Variants in ERCC6L2 observed in about 807,000 individuals in gnomAD.
ERCC6L2 encodes the protein DNA excision repair protein ERCC-6-like 2.
ERCC6L2 carries 77 observed loss-of-function variants against 132.0 expected under a neutral mutation model. That is an observed-to-expected ratio of 0.58 (90% CI 0.49 to 0.71). The LOEUF is 0.71. Ranked by LOEUF, ERCC6L2 falls within the 30% of genes least tolerant of loss-of-function variation. The pLI is 0.00. For missense variants in ERCC6L2, 1,542 were observed against 1,837.6 expected (o/e 0.84, Z 2.94); for synonymous variants, 583 against 632.4 (o/e 0.92, Z 1.17).
At chr9:95,917,988 T>G (rs951753208) in intron 6 of ERCC6L2, 1 of 158,898 alleles carries the variant, frequency 6.3e-6, no homozygotes, top group African/African-American at 2.4e-5. Flanking sequence ...TATATGTACT[T>G]TTATATTTAA....
Position 96,016,762 on chromosome 9 carries a change from G to T in ERCC6L2, c.*3559G>T, listed in dbSNP as rs1408038455. ...TCAAAATAGCCCTCTTTTTTGAAAT[G>T]ATGGTAGATCATACCTTTTGGTCTT... On this transcript the variant is annotated 3_prime_UTR_variant, in exon 19 of 19. Transcript: ENST00000653738. 2.6e-5 allele frequency among the ~76,000 whole-genome samples: 4 copies of T among 152,168 alleles called. No individual in the cohort carries two copies. The highest frequency in any genetic ancestry group is 5.9e-5 in the Non-Finnish European group (4 of 68,028).
chr9:95,878,577 C>T (rs1006478457), intron 1 of ERCC6L2, among the ~76,000 whole-genome samples: 12 of 151,318 alleles, frequency 7.9e-5, no homozygotes, highest in African/African-American at 2.9e-4. Context: ...CATATGTATA[C>T]ATGTGCCATG....
intron 3 of ERCC6L2, among the ~76,000 whole-genome samples, chr9:95,905,522 T>C (rs1411888817): frequency 6.6e-6 from 1 of 152,140 alleles, no homozygotes; most frequent in Non-Finnish European, 1.5e-5. Context: ...TGTCATCTCG[T>C]AATATACAAA....
intron 18 of ERCC6L2, among the ~76,000 whole-genome samples, chr9:96,009,847 C>G (rs1833972609): frequency 6.6e-6 from 1 of 152,228 alleles, no homozygotes. Context: ...AGAAGCAGCT[C>G]TCCTCCCAGA....
intron 19 of ERCC6L2, among the ~76,000 whole-genome samples, chr9:96,037,653 G>A (rs1834535047): frequency 6.6e-6 from 1 of 152,122 alleles, no homozygotes. Context: ...AGTGGGAGCA[G>A]GGCCAGGGAA....
intron 12 of ERCC6L2, among the ~76,000 whole-genome samples, chr9:95,948,871 A>C (rs1468568224): frequency 1.3e-5 from 2 of 152,102 alleles, no homozygotes; most frequent in Non-Finnish European, 2.9e-5. Context: ...ATCTCTAGAA[A>C]CTAACTGTCC....
chr9:95,880,871 A>G lies in ERCC6L2; in HGVS notation c.49A>G (p.Ile17Val), dbSNP rs1827550632. 6 of 1,604,002 alleles carry G rather than the reference A, an allele frequency of 3.7e-6. No homozygotes were observed. Among genetic ancestry groups the G allele is most frequent in the African/African-American group, 1.3e-5 (1 of 74,192 alleles). Residue 17 changes from isoleucine to valine, a missense_variant and splice_region_variant, in exon 2 of 19, where the codon ATA (isoleucine) becomes GTA (valine). This residue lies in a region of ERCC6L2 where 153 missense variants were observed against 132.3 expected (regional missense o/e 1.16). Transcript: ENST00000653738. Reference protein sequence around the residue: ...QPRAETSGKDIWHPGERCLAP... With the variant: ...QPRAETSGKDVWHPGERCLAP... ...CTTTATTTTCTTTATTCTTGCAGACATATGGCATCCAGGAGAAAGATGTCT... is the reference window on the plus strand; with the variant it reads ...CTTTATTTTCTTTATTCTTGCAGACGTATGGCATCCAGGAGAAAGATGTCT...
At chr9:96,037,908 C>T (rs1834537786) in intron 19 of ERCC6L2, among the ~76,000 whole-genome samples, 1 of 151,596 alleles carries the variant, frequency 6.6e-6, no homozygotes, top group Non-Finnish European at 1.5e-5. Flanking sequence ...CCACAAAGAA[C>T]AGGTGATCTA....
rs1251162862 is a variant in ERCC6L2, at chr9:96,012,396, C to T, written c.3846C>T (p.Asn1282=). The stretch of plus-strand genomic sequence containing the variant: ...TTGTGGATTCTGTGTCACAATTCAA[C>T]AATTCTTCCTTTGAGAAAGGAGAGC... ...EFFVDSVSQF[N]NSSFEKGEQR... is the part of the protein sequence containing the mutation. Residue 1282 remains asparagine (N), a synonymous_variant, in exon 19 of 19, where the codon AAC becomes AAT. Coordinates refer to ENST00000653738, the MANE Select transcript of ERCC6L2 (RefSeq NM_020207.7). 7.3e-7 allele frequency: 1 copy of T among 1,361,030 alleles called. No homozygotes were observed. Among genetic ancestry groups the T allele is most frequent in the Non-Finnish European group, 9.8e-7 (1 of 1,016,716 alleles). The allele number at this position is 1,361,030 out of a possible 1,614,324, so 84.3% of individuals were successfully genotyped here. A position where few individuals can be genotyped will look rare whatever the true frequency, so the allele number is the denominator to read the frequency against.
intron 17 of ERCC6L2, among the ~76,000 whole-genome samples, chr9:95,983,358 T>C (rs963713169): frequency 1.1e-4 from 17 of 152,318 alleles, no homozygotes; most frequent in African/African-American, 3.8e-4. Flanking sequence ...CCAACTCTTC[T>C]CCCAGCTGGT....
intron 6 of ERCC6L2, among the ~76,000 whole-genome samples, 182 bp from the exon 7 acceptor site, chr9:95,920,993 T>A (rs532479344): frequency 5.3e-4 from 81 of 152,296 alleles, no homozygotes; most frequent in African/African-American, 1.9e-3. Flanking sequence ...GCCAGGATGG[T>A]CTTTATCTCT....
chr9:96,036,041 A>C (rs576559647), intron 19 of ERCC6L2, among the ~76,000 whole-genome samples: 8 of 152,338 alleles, frequency 5.3e-5, no homozygotes, highest in Admixed American at 1.3e-4. Context: ...TTCTTCAAAA[A>C]TTTTTGTTTT....
chr9:96,011,414 G>A (rs188858490), intron 18 of ERCC6L2, among the ~76,000 whole-genome samples: 1 of 151,972 alleles, frequency 6.6e-6, no homozygotes, highest in Non-Finnish European at 1.5e-5. Flanking sequence ...ATACTGTTAC[G>A]TCCTGGGTTA....
At position 95,972,640 on chromosome 9, in the gene ERCC6L2, G is replaced by C. The variant is rs202116951; in HGVS notation, c.2889G>C (p.Glu963Asp). ...TAATTTCAAAAAAGTTAAGTCCTGA[G>C]AACACAACCCTGAAATCTATTTTGA... is the stretch of plus-strand genomic sequence containing the variant. ...NGIISKKLSP[E>D]NTTLKSILKR... The change falls in exon 16 of 19, where the codon GAG becomes GAC. Residue 963 changes from glutamate to aspartate, a missense_variant. Coordinates refer to ENST00000653738, the MANE Select transcript of ERCC6L2 (RefSeq NM_020207.7). The C allele has an allele frequency of 3.1e-6, 4 of 1,293,648 alleles. No individual in the cohort carries two copies. Among genetic ancestry groups the C allele is most frequent in the Non-Finnish European group, 4.0e-6 (4 of 988,776 alleles). The allele number at this position is 1,293,648 out of a possible 1,614,324, so 80.1% of individuals were successfully genotyped here.
intron 11 of ERCC6L2, among the ~76,000 whole-genome samples, chr9:95,936,298 G>A (rs1236034144): frequency 6.6e-6 from 1 of 152,144 alleles, no homozygotes; most frequent in Non-Finnish European, 1.5e-5. Flanking sequence ...TGGGTCCAGG[G>A]AAGTATTAGA....
intron 13 of ERCC6L2, among the ~76,000 whole-genome samples, chr9:95,959,765 AT>A (rs1831813676): frequency 6.6e-6 from 1 of 152,078 alleles, no homozygotes; most frequent in African/African-American, 2.4e-5. Context: ...TAAAAAAAAA[AT>A]AAACCTGTAA....
chr9:95,948,395 GTAA>G (rs1831162988), intron 12 of ERCC6L2, among the ~76,000 whole-genome samples: 2 of 152,350 alleles, frequency 1.3e-5, no homozygotes, highest in Admixed American at 1.3e-4. Flanking sequence ...GCTCATGCCT[GTAA>G]TCCCAACATT....
rs530263935 is a variant in ERCC6L2, at chr9:96,016,784, T to C, written c.*3581T>C. Among the ~76,000 whole-genome samples the C allele has an allele frequency of 3.3e-5, 5 of 152,368 alleles. No individual in the cohort carries two copies. The highest frequency in any genetic ancestry group is 1.2e-4 in the African/African-American group (5 of 41,588). On this transcript the variant is annotated 3_prime_UTR_variant, in exon 19 of 19. Transcript: ENST00000653738. ...AATGATGGTAGATCATACCTTTTGG[T>C]CTTTTTCATTGTCCTTACATAAAAG...
chr9:95,999,864 A>C (rs1833599011), intron 17 of ERCC6L2, among the ~76,000 whole-genome samples: 1 of 146,978 alleles, frequency 6.8e-6, no homozygotes, highest in African/African-American at 2.6e-5. Flanking sequence ...AAAGATTAAC[A>C]TTTTTCTTTC....
Sources: gnomAD v4.1 joint callset for allele counts (sites outside exome capture counted in the v4.1 genomes callset) on GRCh38, gnomAD v4.1.1 for gene constraint, gnomAD v4.1.1 regional missense constraint, MANE v1.5 for transcripts, NCBI Gene and HGNC (gene_info 2026-07-23, HGNC 2026-07-21) for gene names.